The following PGLS variants were observed in gnomAD, a reference collection of about 807,000 sequenced individuals.
The protein encoded by PGLS is 6-phosphogluconolactonase.
A neutral mutation model predicts 23.2 loss-of-function variants in PGLS; 21 were observed. The ratio of observed to expected loss-of-function variants is 0.91; its 90% CI spans 0.64 to 1.31. The LOEUF is 1.31. Ranked by LOEUF, PGLS falls within the 50% of genes most tolerant of loss-of-function variation. The pLI is 0.00. For missense variants in PGLS, 410 were observed against 354.0 expected, an observed-to-expected ratio of 1.16 and a Z score of -1.27; for synonymous variants, 179 against 165.4, an observed-to-expected ratio of 1.08 and a Z score of -0.63.
intron 1 of PGLS, 41 bp downstream of exon 1, chr19:17,512,001 C>T (rs762863179): frequency 1.3e-6 from 2 of 1,509,472 alleles, no homozygotes; most frequent in Non-Finnish European, 8.9e-7. Context: ...GCCGAGAGGG[C>T]CACAGCCACC....
intron 1 of PGLS, 174 bp downstream of exon 1, chr19:17,512,134 C>T: frequency 1.4e-6 from 1 of 698,608 alleles, no homozygotes; most frequent in Non-Finnish European, 2.2e-6. Context: ...CTGCCTGCAC[C>T]TCGGCTACGT....
chr19:17,517,987 G>T, intron 4 of PGLS, 137 bp downstream of exon 4: 25 of 510,842 alleles, frequency 4.9e-5, no homozygotes, highest in East Asian at 1.0e-4. Context: ...AAGGTAACTT[G>T]AAATTGCAAT....
At chr19:17,512,056 G>C in intron 1 of PGLS, 96 bp downstream of exon 1, 1 of 1,305,992 alleles carries the variant, frequency 7.7e-7, no homozygotes, top group Non-Finnish European at 1.0e-6. Flanking sequence ...ATGCCGAAAG[G>C]GCCGCGCCCA....
At chr19:17,516,653 T>C (rs577982534) in intron 2 of PGLS, among the ~76,000 whole-genome samples, 1 of 151,650 alleles carries the variant, frequency 6.6e-6, no homozygotes, top group Admixed American at 6.6e-5. Context: ...GGCGTGATCA[T>C]GGCTCACTGC....
rs572673276 is a variant in PGLS at position 17,516,678 on chromosome 19, G to A, written c.396+398G>A. Among the ~76,000 whole-genome samples, 22 of 151,596 alleles carry A rather than the reference G, an allele frequency of 1.5e-4. 1 individual carries two copies. Among genetic ancestry groups the A allele is most frequent in the Admixed American group, 7.9e-4 (12 of 15,192 alleles). ...TGGCTCACTGCAAGCTCCGCCTCCCGGGTTCACACCATTCTCCTGCCTCAG... is the reference window on the plus strand; with the variant it reads ...TGGCTCACTGCAAGCTCCGCCTCCCAGGTTCACACCATTCTCCTGCCTCAG... On this transcript the variant is annotated intron_variant, in intron 2 of 4. Coordinates refer to ENST00000252603, the MANE Select transcript of PGLS (RefSeq NM_012088.3).
chr19:17,515,987 T>C (rs1304039378), intron 1 of PGLS, 186 bp from the exon 2 acceptor site: 5 of 521,322 alleles, frequency 9.6e-6, no homozygotes, highest in African/African-American at 1.9e-5. Flanking sequence ...CTTCCAGCAT[T>C]CCAGAGGTGA....
At chr19:17,517,949 G>A in intron 4 of PGLS, 99 bp downstream of exon 4, 5 of 1,126,382 alleles carry the variant, frequency 4.4e-6, no homozygotes, top group Non-Finnish European at 6.0e-6. Flanking sequence ...CATCAGATCT[G>A]AAGAAAACTC....
Position 17,521,082 on chromosome 19 carries a change from C to T in PGLS, c.*1C>T. ...CTTCGAGAAGCATTCCACTTTGTAG[C>T]TGGCCAGAGGGACGCCGCAGCTGGG... On this transcript the variant is annotated 3_prime_UTR_variant, in exon 5 of 5. Transcript: ENST00000252603. 1 of 1,596,072 alleles carries T rather than the reference C, an allele frequency of 6.3e-7. No individual in the cohort carries two copies. Among genetic ancestry groups the T allele is most frequent in the Non-Finnish European group, 8.5e-7 (1 of 1,170,400 alleles).
At chr19:17,511,985 G>T in intron 1 of PGLS, 25 bp downstream of exon 1, 1 of 1,528,118 alleles carries the variant, frequency 6.5e-7, no homozygotes. Flanking sequence ...GGCCGCCGGG[G>T]ATCACGCCGA....
At chr19:17,519,492 CG>C (rs1568433832) in intron 4 of PGLS, among the ~76,000 whole-genome samples, 3 of 151,612 alleles carry the variant, frequency 2.0e-5, no homozygotes, top group South Asian at 4.2e-4. Flanking sequence ...CTCCACCTCC[CG>C]GGTTCAAGTG....
rs774225191 is a variant in PGLS, at chr19:17,516,201, C to T, written c.317C>T (p.Pro106Leu). ...CATCTTCTCTCCAGACTGCCGATCC[C>T]AGAAAGCCAGGTGATCACCATTAAC... ...RTHLLSRLPI[P>L]ESQVITINPE... The change falls in exon 2 of 5, where the codon CCA becomes CTA. Residue 106 changes from proline to leucine, a missense_variant. By Grantham distance (98) the Pro-to-Leu change is moderately conservative (BLOSUM62 -3). Coordinates refer to ENST00000252603, the MANE Select transcript of PGLS (RefSeq NM_012088.3). 1.9e-6 allele frequency: 3 copies of T among 1,614,046 alleles called. No individual in the cohort carries two copies. The highest frequency in any genetic ancestry group is 3.3e-4 in the Middle Eastern group (2 of 6,062).
chr19:17,517,882 T>C (rs763245441), intron 4 of PGLS, 32 bp downstream of exon 4: 1 of 1,612,220 alleles, frequency 6.2e-7, no homozygotes, highest in Non-Finnish European at 8.5e-7. Flanking sequence ...CCTGGGAAGT[T>C]CATGGGCATG....
chr19:17,511,971 CG>C lies in PGLS; in HGVS notation c.288+16del. The C allele has an allele frequency of 5.9e-6, 9 of 1,534,492 alleles. No homozygotes were observed. Among genetic ancestry groups the C allele is most frequent in the Admixed American group, 2.0e-5 (1 of 50,672 alleles). On this transcript the variant is annotated intron_variant, in intron 1 of 4. Transcript: ENST00000252603. ...TACGGCCTCTACCGGGTGAGAGCTA[CG>C]GGGGCCGCCGGGGATCACGCCGAGA...
chr19:17,517,696 G>T lies in PGLS; in HGVS notation c.499-14G>T. ...ATTGTCCTTCTGCCTCCATCCCTGG[G>T]CTTCCTCCCCAAGGAGCGGGAGAAG... On this transcript the variant is annotated splice_polypyrimidine_tract_variant and intron_variant, in intron 3 of 4. Coordinates refer to ENST00000252603, the MANE Select transcript of PGLS (RefSeq NM_012088.3). 1 of 1,613,826 alleles carries T rather than the reference G, an allele frequency of 6.2e-7. No homozygotes were observed. Among genetic ancestry groups the T allele is most frequent in the Non-Finnish European group, 8.5e-7 (1 of 1,179,968 alleles).
At chr19:17,520,129 G>A (rs2144646806) in intron 4 of PGLS, among the ~76,000 whole-genome samples, 1 of 151,486 alleles carries the variant, frequency 6.6e-6, no homozygotes, top group East Asian at 1.9e-4. Context: ...CTCCAGCCTG[G>A]ATGACAGCGC....
intron 1 of PGLS, chr19:17,515,705 A>G (rs2075529299): frequency 6.4e-6 from 1 of 156,638 alleles, no homozygotes; most frequent in Non-Finnish European, 1.4e-5. Flanking sequence ...TGAGGGGCTG[A>G]GTTTTATCCC....
intron 1 of PGLS, among the ~76,000 whole-genome samples, chr19:17,515,055 C>G (rs2075526431): frequency 6.6e-6 from 1 of 152,206 alleles, no homozygotes; most frequent in Non-Finnish European, 1.5e-5. Context: ...TCCCAAAGTG[C>G]TGGGATTACA....
Position 17,511,760 on chromosome 19 carries a change from G to A in PGLS, c.88G>A (p.Ala30Thr). 1.3e-6 allele frequency: 2 copies of A among 1,496,902 alleles called. No individual in the cohort carries two copies. Among genetic ancestry groups the A allele is most frequent in the East Asian group, 2.7e-5 (1 of 36,442 alleles). The allele number at this position is 1,496,902 out of a possible 1,614,324, so 92.7% of individuals were successfully genotyped here. ...AALAQLVAQR[A>T]ACCLAGARAR... ...GCTAGCGCAGCTGGTGGCCCAGCGCGCAGCATGCTGCCTGGCAGGGGCCCG... is the reference window on the plus strand; with the variant it reads ...GCTAGCGCAGCTGGTGGCCCAGCGCACAGCATGCTGCCTGGCAGGGGCCCG... Residue 30 changes from alanine to threonine, a missense_variant, in exon 1 of 5, where the codon GCA (alanine) becomes ACA (threonine). Coordinates refer to ENST00000252603, the MANE Select transcript of PGLS (RefSeq NM_012088.3).
chr19:17,516,435 C>T (rs1226383651), intron 2 of PGLS, 155 bp downstream of exon 2: 2 of 1,413,784 alleles, frequency 1.4e-6, no homozygotes, highest in African/African-American at 2.9e-5. Context: ...CACAGCCCTG[C>T]CCTGGGGAGC....
Sources: allele counts gnomAD v4.1 joint callset (sites outside exome capture counted in the v4.1 genomes callset), GRCh38; gene constraint gnomAD v4.1.1; transcripts MANE v1.5; gene names NCBI Gene and HGNC (gene_info 2026-07-23, HGNC 2026-07-21).